MAP2K1: variants seen among roughly 807,000 people sequenced by gnomAD.
The protein encoded by MAP2K1 is mitogen-activated protein kinase kinase 1.
Under a neutral mutation model 46.3 loss-of-function variants are expected in MAP2K1, and 16 were observed. The observed-to-expected ratio is 0.35, with a 90% CI of 0.23 to 0.52. MAP2K1 has a LOEUF of 0.52. Among genes scored for constraint, MAP2K1 ranks in the 20% least tolerant of loss-of-function variants. MAP2K1 has a pLI of 0.94. For missense variants in MAP2K1, 263 were observed against 497.1 expected (o/e 0.53, Z 4.48); for synonymous variants, 183 against 185.6 (o/e 0.99, Z 0.11).
intron 5 of MAP2K1, among the ~76,000 whole-genome samples, chr15:66,455,426 C>A (rs547030407): frequency 3.9e-5 from 6 of 152,298 alleles, no homozygotes; most frequent in African/African-American, 1.4e-4. Flanking sequence ...TTGATTCATA[C>A]ATTTCTTCTT....
intron 5 of MAP2K1, among the ~76,000 whole-genome samples, chr15:66,452,304 G>GAAAAAAAAAAAAAAAAAAAAAAAGAAA: frequency 7.6e-6 from 1 of 131,974 alleles, no homozygotes; most frequent in African/African-American, 2.8e-5. Context: ...AAAAAAAAAA[G>GAAAAAAAAAAAAAAAAAAAAAAAGAAA]AAAAAAAAAA....
intron 1 of MAP2K1, 21 bp from the exon 2 acceptor site, chr15:66,435,006 G>C (rs1173065978): frequency 1.3e-6 from 2 of 1,520,830 alleles, no homozygotes; most frequent in Admixed American, 1.7e-5. Flanking sequence ...GTATTGACTT[G>C]TGCTCCCCAC....
intron 5 of MAP2K1, among the ~76,000 whole-genome samples, chr15:66,466,164 C>A (rs1250938827): frequency 6.6e-6 from 1 of 152,158 alleles, no homozygotes; most frequent in African/African-American, 2.4e-5. Context: ...AAGTTGGATT[C>A]CTTAAAGGAA....
Position 66,485,020 on chromosome 15 carries a change from G to A in MAP2K1, c.724G>A (p.Val242Met), listed in dbSNP as rs761435303. 2 of 1,613,646 alleles carry A rather than the reference G, an allele frequency of 1.2e-6. No individual in the cohort carries two copies. The highest frequency in any genetic ancestry group is 1.7e-6 in the Non-Finnish European group (2 of 1,180,030). ...PERLQGTHYS[V>M]QSDIWSMGLS... Reference sequence around the variant, plus strand: ...AAGACTCCAGGGGACTCATTACTCTGTGCAGTCAGACATCTGGAGCATGGG... The same window carrying A: ...AAGACTCCAGGGGACTCATTACTCTATGCAGTCAGACATCTGGAGCATGGG... Residue 242 changes from valine to methionine, a missense_variant, in exon 7 of 11, where the codon GTG becomes ATG. This residue lies in a region of MAP2K1 where 118 missense variants were observed against 193.0 expected (regional missense o/e 0.61). Coordinates refer to ENST00000307102, the MANE Select transcript of MAP2K1 (RefSeq NM_002755.4).
chr15:66,402,293 C>T (rs996500812), intron 1 of MAP2K1, among the ~76,000 whole-genome samples: 7 of 152,106 alleles, frequency 4.6e-5, no homozygotes, highest in African/African-American at 1.7e-4. Flanking sequence ...CTCTTTTTCC[C>T]ATGTGGAATT....
At chr15:66,456,606 A>G (rs74022012) in intron 5 of MAP2K1, among the ~76,000 whole-genome samples, 15,455 of 152,184 alleles carry the variant, frequency 0.1, 972 homozygotes, top group East Asian at 0.34. Context: ...CCTATCCCAG[A>G]GAAAGTACTC....
At chr15:66,425,527 C>T (rs563460885) in intron 1 of MAP2K1, among the ~76,000 whole-genome samples, 1 of 152,286 alleles carries the variant, frequency 6.6e-6, no homozygotes, top group South Asian at 2.1e-4. Context: ...AGACCCACTT[C>T]TAGGGCCAGT....
intron 5 of MAP2K1, among the ~76,000 whole-genome samples, chr15:66,457,963 GAA>G (rs35205995): frequency 7.9e-5 from 9 of 114,178 alleles, no homozygotes; most frequent in Admixed American, 3.7e-4. Context: ...GACTGTCTCA[GAA>G]AAAAAAAAAA....
intron 3 of MAP2K1, among the ~76,000 whole-genome samples, chr15:66,439,125 G>C (rs975090148): frequency 1.3e-5 from 2 of 152,286 alleles, no homozygotes; most frequent in Admixed American, 6.5e-5. Context: ...CCCTGCCCTG[G>C]CTTCCTCTGG....
At chr15:66,436,605 G>C (rs2093488651) in intron 2 of MAP2K1, 141 bp from the exon 3 acceptor site, 1 of 818,758 alleles carries the variant, frequency 1.2e-6, no homozygotes, top group African/African-American at 1.7e-5. Flanking sequence ...TTTCTTGGTT[G>C]AGCAGAAACT....
chr15:66,406,832 A>G (rs1376833222), intron 1 of MAP2K1, among the ~76,000 whole-genome samples: 1 of 151,958 alleles, frequency 6.6e-6, no homozygotes, highest in East Asian at 1.9e-4. Flanking sequence ...GCAGTTTGAG[A>G]CCAGCCTGAC....
In MAP2K1 at chr15:66,477,723, C is replaced by T. The variant is rs531428364; in HGVS notation, c.569-4032C>T. ...AACAGCCCATGGGGAGAGTGTGGGC[C>T]GGGTGAGGGAGCCTGGTGCCGTGTG... On this transcript the variant is annotated intron_variant, in intron 5 of 10. Coordinates refer to ENST00000307102, the MANE Select transcript of MAP2K1 (RefSeq NM_002755.4). Among the ~76,000 whole-genome samples the T allele has an allele frequency of 7.9e-5, 12 of 152,190 alleles. No individual in the cohort carries two copies. In the South Asian group the frequency reaches 8.3e-4, roughly 11 times the overall value.
At chr15:66,399,297 A>G (rs564791083) in intron 1 of MAP2K1, among the ~76,000 whole-genome samples, 48 of 152,226 alleles carry the variant, frequency 3.2e-4, no homozygotes, top group Non-Finnish European at 6.3e-4. Context: ...TTTGTAATAC[A>G]TTTAAAAAGT....
chr15:66,484,934 C>A (rs891401393), intron 6 of MAP2K1, 56 bp from the exon 7 acceptor site: 1 of 1,411,864 alleles, frequency 7.1e-7, no homozygotes, highest in Non-Finnish European at 1.0e-6. Context: ...AATGCATTAG[C>A]AGACCCAGGG....
intron 1 of MAP2K1, among the ~76,000 whole-genome samples, chr15:66,421,813 CAAAA>C: frequency 6.7e-6 from 1 of 149,090 alleles, no homozygotes; most frequent in Non-Finnish European, 1.5e-5. Flanking sequence ...AAAAAACCAA[CAAAA>C]AACAGCAACA....
chr15:66,432,180 C>T (rs377367151), intron 1 of MAP2K1, among the ~76,000 whole-genome samples: 3 of 152,122 alleles, frequency 2.0e-5, no homozygotes, highest in Admixed American at 6.5e-5. Flanking sequence ...TTTGTCAACA[C>T]GATTCCATCT....
chr15:66,462,724 A>C (rs1892358736), intron 5 of MAP2K1, among the ~76,000 whole-genome samples: 1 of 152,080 alleles, frequency 6.6e-6, no homozygotes, highest in Non-Finnish European at 1.5e-5. Flanking sequence ...CTGTCAGGGG[A>C]GGCTTCACAG....
intron 3 of MAP2K1, among the ~76,000 whole-genome samples, 154 bp from the exon 4 acceptor site, chr15:66,443,126 C>T (rs1243847516): frequency 2.5e-5 from 3 of 119,058 alleles, no homozygotes; most frequent in Admixed American, 2.4e-4. Flanking sequence ...CTCGCTGTGT[C>T]GCCCAGGCTG....
chr15:66,444,546 C>T (rs1021737152), intron 4 of MAP2K1, 110 bp from the exon 5 acceptor site: 1 of 869,552 alleles, frequency 1.2e-6, no homozygotes, highest in African/African-American at 1.7e-5. Flanking sequence ...AGGAGGAAGG[C>T]AAATTTGTGA....
Sources: allele counts gnomAD v4.1 joint callset (sites outside exome capture counted in the v4.1 genomes callset), GRCh38; gene constraint gnomAD v4.1.1; regional missense constraint gnomAD v4.1.1; transcripts MANE v1.5; gene names NCBI Gene and HGNC (gene_info 2026-07-23, HGNC 2026-07-21).